The following CENPP variants were observed in gnomAD, a reference collection of about 807,000 sequenced individuals.
CENPP encodes centromere protein P.
Under a neutral mutation model 35.6 loss-of-function variants are expected in CENPP, and 24 were observed. The observed-to-expected ratio is 0.67, with a 90% CI of 0.49 to 0.95. The LOEUF (loss-of-function observed/expected upper bound fraction) is 0.95, where lower values mean the gene tolerates loss of function less well. CENPP is among the 40% of genes least tolerant of loss of function. The pLI is 0.00. For synonymous variants in CENPP, 120 were observed against 125.5 expected (o/e 0.96, Z 0.29); for missense variants, 332 against 345.3 (o/e 0.96, Z 0.31).
intron 5 of CENPP, among the ~76,000 whole-genome samples, chr9:92,423,033 G>A (rs1200502831): frequency 2.0e-5 from 3 of 152,032 alleles, no homozygotes; most frequent in Non-Finnish European, 4.4e-5. Flanking sequence ...AAGTTAATAA[G>A]TTATAGGTTA....
intron 5 of CENPP, among the ~76,000 whole-genome samples, chr9:92,544,017 T>G (rs1334062598): frequency 6.6e-6 from 1 of 152,196 alleles, no homozygotes; most frequent in Non-Finnish European, 1.5e-5. Flanking sequence ...ATTTTAGATA[T>G]TTTTTATTTC....
At chr9:92,360,046 T>G (rs752208252) in intron 4 of CENPP, among the ~76,000 whole-genome samples, 1 of 152,216 alleles carries the variant, frequency 6.6e-6, no homozygotes, top group Non-Finnish European at 1.5e-5. Flanking sequence ...AGTGAAATTG[T>G]TATATAAGTG....
At chr9:92,389,890 T>G in intron 5 of CENPP, 1 of 1,612,956 alleles carries the variant, frequency 6.2e-7, no homozygotes. Flanking sequence ...TACTCTTGAT[T>G]TTGTTGTATT....
chr9:92,567,387 T>G (rs113518026), intron 5 of CENPP, among the ~76,000 whole-genome samples: 1,729 of 89,786 alleles, frequency 0.019, 37 homozygotes, highest in African/African-American at 0.087. Context: ...TATATATATA[T>G]ATATATATAG....
intron 5 of CENPP, among the ~76,000 whole-genome samples, chr9:92,406,030 T>C (rs756833241): frequency 1.3e-5 from 2 of 151,720 alleles, no homozygotes; most frequent in Admixed American, 6.6e-5. Flanking sequence ...ATATGCAGAG[T>C]TCTGTGATAA....
chr9:92,328,624 C>T (rs939089895), intron 1 of CENPP, among the ~76,000 whole-genome samples: 21 of 152,078 alleles, frequency 1.4e-4, no homozygotes, highest in Admixed American at 9.8e-4. Flanking sequence ...CCTTTAAACT[C>T]GTGTACAGAT....
upstream of CENPP, chr9:92,325,568 C>G: frequency 5.8e-6 from 1 of 171,184 alleles, no homozygotes; most frequent in South Asian, 1.0e-4. Context: ...GCTGTGTGTA[C>G]CAATTCCTGG....
intron 5 of CENPP, among the ~76,000 whole-genome samples, chr9:92,541,218 C>T (rs1849310892): frequency 6.6e-6 from 1 of 152,184 alleles, no homozygotes; most frequent in Non-Finnish European, 1.5e-5. Flanking sequence ...AAGATTGCGC[C>T]ACTGCACGCC....
rs566564918 is a variant in CENPP at position 92,333,689 on chromosome 9, T to C, written c.289+1338T>C. Among the ~76,000 whole-genome samples the C allele has an allele frequency of 7.9e-5, 12 of 152,286 alleles. No homozygotes were observed. The East Asian group carries it at 2.3e-3, about 29-fold the overall frequency. ...GAGTAATGGTACCGGAAGAGAAATA[T>C]CTTGTTTTTTATTTTTTTGTTCTTT... On this transcript the variant is annotated intron_variant, in intron 2 of 7. Coordinates refer to ENST00000375587, the MANE Select transcript of CENPP (RefSeq NM_001012267.3).
chr9:92,550,878 C>T (rs1466317327), intron 5 of CENPP, among the ~76,000 whole-genome samples: 4 of 152,090 alleles, frequency 2.6e-5, no homozygotes, highest in Non-Finnish European at 4.4e-5. Context: ...GTACACAGCC[C>T]GCCACACTTT....
chr9:92,429,160 A>G (rs554846965), intron 5 of CENPP, among the ~76,000 whole-genome samples: 11 of 152,324 alleles, frequency 7.2e-5, no homozygotes, highest in Admixed American at 2.6e-4. Context: ...ATGAATGCAC[A>G]GTACCCTCCA....
intron 5 of CENPP, among the ~76,000 whole-genome samples, chr9:92,608,610 G>A (rs1298775309): frequency 6.6e-6 from 1 of 152,138 alleles, no homozygotes; most frequent in Non-Finnish European, 1.5e-5. Context: ...CTGTACATGT[G>A]TGCCAATGAG....
intron 3 of CENPP, among the ~76,000 whole-genome samples, chr9:92,345,097 A>C (rs1841249864): frequency 6.6e-6 from 1 of 151,738 alleles, no homozygotes; most frequent in Non-Finnish European, 1.5e-5. Flanking sequence ...TAAAAAATAC[A>C]AAAAAATTAG....
chr9:92,345,947 A>G (rs1315645443), intron 4 of CENPP, among the ~76,000 whole-genome samples, 160 bp downstream of exon 4: 2 of 152,198 alleles, frequency 1.3e-5, no homozygotes, highest in African/African-American at 2.4e-5. Flanking sequence ...CTCTATATCT[A>G]TCATTCTTTC....
At chr9:92,600,603 A>G in intron 5 of CENPP, 3 of 1,584,392 alleles carry the variant, frequency 1.9e-6, no homozygotes, top group Middle Eastern at 2.0e-4. Flanking sequence ...ATCAGTCACT[A>G]CCAGAAAGAC....
At chr9:92,558,565 T>A (rs1482767829) in intron 5 of CENPP, among the ~76,000 whole-genome samples, 1 of 152,188 alleles carries the variant, frequency 6.6e-6, no homozygotes, top group Non-Finnish European at 1.5e-5. Context: ...ATGGACACCA[T>A]GAGGGTCCTT....
At chr9:92,555,293 T>G (rs1849701856) in intron 5 of CENPP, among the ~76,000 whole-genome samples, 1 of 144,174 alleles carries the variant, frequency 6.9e-6, no homozygotes, top group South Asian at 2.3e-4. Context: ...AATGGCGTGA[T>G]CTCAGCTCAC....
intron 2 of CENPP, 137 bp downstream of exon 2, chr9:92,332,488 A>G: frequency 1.5e-6 from 1 of 652,210 alleles, no homozygotes; most frequent in Non-Finnish European, 2.4e-6. Flanking sequence ...TTGTTTACTC[A>G]CATATCTTTT....
At chr9:92,445,168 G>A (rs1313530174) in intron 5 of CENPP, among the ~76,000 whole-genome samples, 1 of 152,180 alleles carries the variant, frequency 6.6e-6, no homozygotes, top group Non-Finnish European at 1.5e-5. Context: ...AAATGTTCAA[G>A]GTGGTCACAG....
Sources: allele counts gnomAD v4.1 joint callset (sites outside exome capture counted in the v4.1 genomes callset), GRCh38; gene constraint gnomAD v4.1.1; transcripts MANE v1.5; gene names NCBI Gene and HGNC (gene_info 2026-07-23, HGNC 2026-07-21).